Variants in FNIP1 observed in about 807,000 individuals in gnomAD.
FNIP1 encodes the protein folliculin-interacting protein 1.
Under a neutral mutation model 124.5 loss-of-function variants are expected in FNIP1, and 40 were observed. The ratio of observed to expected loss-of-function variants is 0.32; its 90% CI spans 0.25 to 0.42. The LOEUF is 0.42. Among genes scored for constraint, FNIP1 ranks in the 10% least tolerant of loss-of-function variants. The probability of loss-of-function intolerance (pLI) is 1.00; values close to 1 mark genes in which losing one functional copy is unlikely to be tolerated. For synonymous variants in FNIP1, 472 were observed against 470.6 expected, an observed-to-expected ratio of 1.00 and a Z score of -0.04; for missense variants, 1,176 against 1,403.7, an observed-to-expected ratio of 0.84 and a Z score of 2.59.
chr5:131,730,921 G>C lies in FNIP1; in HGVS notation c.337C>G (p.Gln113Glu), dbSNP rs1770062930. Residue 113 changes from glutamine (Q) to glutamate (E), a missense_variant, in exon 3 of 18, where the codon CAG becomes GAG. Gln to Glu is a conservative substitution (Grantham distance 29). Coordinates refer to ENST00000510461, the MANE Select transcript of FNIP1 (RefSeq NM_133372.3). ...GATCTTACCTGGTACTTAAGACACT[G>C]GTCTTTTATATCAGAAGATGAAGTC... ...SVTSSSDIKD[Q>E]CLKYQGSRCS... is the part of the protein sequence containing the mutation. The C allele has an allele frequency of 1.1e-5, 17 of 1,604,360 alleles. No homozygotes were observed. The highest frequency in any genetic ancestry group is 1.4e-5 in the Non-Finnish European group (16 of 1,176,058).
chr5:131,746,097 C>T (rs1770669292), intron 1 of FNIP1, among the ~76,000 whole-genome samples: 2 of 152,108 alleles, frequency 1.3e-5, no homozygotes, highest in South Asian at 2.1e-4. Context: ...TTACATTCCA[C>T]AATTTAAAAG....
At chr5:131,738,533 G>A (rs1037321011) in intron 2 of FNIP1, among the ~76,000 whole-genome samples, 2 of 152,104 alleles carry the variant, frequency 1.3e-5, no homozygotes, top group Non-Finnish European at 2.9e-5. Flanking sequence ...TCACTCTGTT[G>A]CCCAGGCTGG....
chr5:131,644,063 T>TG lies in FNIP1; in HGVS notation c.*621dup, dbSNP rs1350117922. 6.6e-6 allele frequency: 1 copy of TG among 152,282 alleles called. No homozygotes were observed. The highest frequency in any genetic ancestry group is 1.5e-5 in the Non-Finnish European group (1 of 68,008). 9.4% of individuals were successfully genotyped at this position (152,282 alleles called of 1,614,324 possible). A position where few individuals can be genotyped will look rare whatever the true frequency, so the allele number is the denominator to read the frequency against. Reference sequence around the variant, plus strand: ...GAAAATATATATATTTTTAAAGGCATGTTTACCAGTCTTGTATTTCTATTT... The same window carrying TG: ...GAAAATATATATATTTTTAAAGGCATGGTTTACCAGTCTTGTATTTCTATTT... On this transcript the variant is annotated 3_prime_UTR_variant, in exon 18 of 18. Coordinates refer to ENST00000510461, the MANE Select transcript of FNIP1 (RefSeq NM_133372.3).
At chr5:131,783,861 G>GC (rs1478880078) in intron 1 of FNIP1, among the ~76,000 whole-genome samples, 1 of 151,974 alleles carries the variant, frequency 6.6e-6, no homozygotes, top group African/African-American at 2.4e-5. Flanking sequence ...ATAGAACAAA[G>GC]ACATTTTCAG....
At chr5:131,646,963 A>T in intron 17 of FNIP1, 127 bp downstream of exon 17, 2 of 761,564 alleles carry the variant, frequency 2.6e-6, no homozygotes, top group Non-Finnish European at 4.4e-6. Flanking sequence ...GGGCAACCTA[A>T]ATGATAACAG....
chr5:131,654,691 T>C (rs26003), intron 15 of FNIP1, among the ~76,000 whole-genome samples: 98,288 of 152,018 alleles, frequency 0.65, 33,471 homozygotes, highest in Non-Finnish European at 0.77. Flanking sequence ...GAAAGGGACA[T>C]AGGACTATGA....
intron 3 of FNIP1, among the ~76,000 whole-genome samples, chr5:131,729,291 C>G (rs547971520): frequency 6.6e-6 from 1 of 152,194 alleles, no homozygotes; most frequent in African/African-American, 2.4e-5. Flanking sequence ...AACAGCCACC[C>G]CTTCCTCCAG....
chr5:131,767,714 AT>A (rs1771486973), intron 1 of FNIP1, among the ~76,000 whole-genome samples: 1 of 152,216 alleles, frequency 6.6e-6, no homozygotes, highest in South Asian at 2.1e-4. Flanking sequence ...AAGCCTGTAT[AT>A]ATAGTAATCA....
Position 131,647,090 on chromosome 5 carries a change from C to T in FNIP1, c.3422G>A (p.Gly1141Glu), listed in dbSNP as rs1580723139. The change falls in exon 17 of 18, where the codon GGG becomes GAG. Residue 1141 changes from glycine (G) to glutamate (E), a missense_variant and splice_region_variant. Gly to Glu is a moderately conservative substitution (Grantham distance 98). Coordinates refer to ENST00000510461, the MANE Select transcript of FNIP1 (RefSeq NM_133372.3). ...VHVKELGVVLGIESSDLPLLA... is the reference protein window; with the variant it reads ...VHVKELGVVLEIESSDLPLLA... ...GCCAAAAAAGAAACCATTAACATAC[C>T]CCAGAACCACTCCCAGCTCCTTGAC... is the stretch of plus-strand genomic sequence containing the variant. 1 of 1,613,888 alleles carries T rather than the reference C, an allele frequency of 6.2e-7. No homozygotes were observed. Among genetic ancestry groups the T allele is most frequent in the Non-Finnish European group, 8.5e-7 (1 of 1,179,842 alleles).
chr5:131,647,234 G>A, intron 16 of FNIP1, 29 bp from the exon 17 acceptor site: 1 of 1,560,584 alleles, frequency 6.4e-7, no homozygotes, highest in Non-Finnish European at 8.8e-7. Flanking sequence ...CAAGAACCAG[G>A]TCAGAAAACA....
At chr5:131,660,538 GCCGTAAGCA>G (rs1192972210) in intron 15 of FNIP1, among the ~76,000 whole-genome samples, 7 of 152,018 alleles carry the variant, frequency 4.6e-5, no homozygotes, top group Non-Finnish European at 1.0e-4. Context: ...CAACAAATCA[GCCGTAAGCA>G]CCTGTTACCT....
At chr5:131,725,935 T>C (rs1490960353) in intron 3 of FNIP1, among the ~76,000 whole-genome samples, 3 of 152,240 alleles carry the variant, frequency 2.0e-5, no homozygotes, top group Non-Finnish European at 4.4e-5. Context: ...GAAGACCTTT[T>C]CTGCATCTGA....
chr5:131,688,928 T>A (rs1393618251), intron 11 of FNIP1, among the ~76,000 whole-genome samples: 1 of 151,540 alleles, frequency 6.6e-6, no homozygotes, highest in Non-Finnish European at 1.5e-5. Flanking sequence ...AATATATGAA[T>A]AATAGCTTCG....
intron 13 of FNIP1, among the ~76,000 whole-genome samples, chr5:131,676,630 G>T (rs1012670051): frequency 6.6e-6 from 1 of 152,050 alleles, no homozygotes; most frequent in Non-Finnish European, 1.5e-5. Context: ...GTGGTGTTAC[G>T]CGCCTGTAGT....
chr5:131,786,347 C>T (rs1561708732), intron 1 of FNIP1, among the ~76,000 whole-genome samples: 1 of 152,078 alleles, frequency 6.6e-6, no homozygotes, highest in Admixed American at 6.6e-5. Flanking sequence ...TATAAAAATG[C>T]AATTAAAACA....
In FNIP1 at chr5:131,677,848, T is replaced by C. The variant is rs1767956394; in HGVS notation, c.1374A>G (p.Ala458=). 2 of 1,613,890 alleles carry C rather than the reference T, an allele frequency of 1.2e-6. No homozygotes were observed. The highest frequency in any genetic ancestry group is 1.7e-6 in the Non-Finnish European group (2 of 1,179,866). ...KNQFLPALIT[A]VLTNHLAWVP... ...CCCAGGCAAGATGATTGGTCAGAACTGCAGTAATGAGAGCTGGCAAGAATC... is the reference window on the plus strand; with the variant it reads ...CCCAGGCAAGATGATTGGTCAGAACCGCAGTAATGAGAGCTGGCAAGAATC... The change falls in exon 13 of 18, where the codon GCA becomes GCG. Residue 458 remains alanine, a synonymous_variant. Coordinates refer to ENST00000510461, the MANE Select transcript of FNIP1 (RefSeq NM_133372.3).
At chr5:131,715,171 A>C (rs1769426137) in intron 6 of FNIP1, among the ~76,000 whole-genome samples, 1 of 152,206 alleles carries the variant, frequency 6.6e-6, no homozygotes, top group Non-Finnish European at 1.5e-5. Context: ...ATAAGTAATA[A>C]TGGATTTGTG....
At chr5:131,649,727 C>T (rs1301474780) in intron 16 of FNIP1, among the ~76,000 whole-genome samples, 1 of 152,124 alleles carries the variant, frequency 6.6e-6, no homozygotes. Context: ...CTGTCATATC[C>T]AATGTCACAA....
intron 15 of FNIP1, among the ~76,000 whole-genome samples, chr5:131,665,073 G>A (rs961315287): frequency 6.6e-6 from 1 of 151,862 alleles, no homozygotes; most frequent in East Asian, 1.9e-4. Context: ...CATACATACA[G>A]AATAATAATC....
Sources: gnomAD v4.1 joint callset for allele counts (sites outside exome capture counted in the v4.1 genomes callset) on GRCh38, gnomAD v4.1.1 for gene constraint, MANE v1.5 for transcripts, NCBI Gene and HGNC (gene_info 2026-07-23, HGNC 2026-07-21) for gene names.